ASMTL: variants seen among roughly 807,000 people sequenced by gnomAD.
The protein encoded by ASMTL is acetylserotonin O-methyltransferase like, also known as probable bifunctional dTTP/UTP pyrophosphatase/methyltransferase protein.
Under a neutral mutation model 60.3 loss-of-function variants are expected in ASMTL, and 57 were observed. That is an observed-to-expected ratio of 0.95 (90% CI 0.76 to 1.18). ASMTL has a LOEUF of 1.18. ASMTL is among the 50% of genes most tolerant of loss of function. The probability of loss-of-function intolerance (pLI) is 0.00; values close to 1 mark genes in which losing one functional copy is unlikely to be tolerated. For missense variants in ASMTL, 981 were observed against 852.6 expected, an observed-to-expected ratio of 1.15 and a Z score of -1.88; for synonymous variants, 419 against 373.0, an observed-to-expected ratio of 1.12 and a Z score of -1.42.
intron 2 of ASMTL, among the ~76,000 whole-genome samples, chrX:1,439,371 C>T (rs754863463): frequency 4.3e-4 from 66 of 152,276 alleles, no homozygotes; most frequent in African/African-American, 1.4e-3. Context: ...ACGGGGGCTG[C>T]GTGATCAGGG....
chrX:1,412,227 G>C (rs2090056623), intron 12 of ASMTL, among the ~76,000 whole-genome samples: 1 of 151,270 alleles, frequency 6.6e-6, no homozygotes, highest in Admixed American at 6.6e-5. Context: ...TTCTTTTTTT[G>C]TTGTGGTTGT....
chrX:1,417,909 T>C, intron 11 of ASMTL, 64 bp downstream of exon 11: 1 of 1,542,388 alleles, frequency 6.5e-7, no homozygotes, highest in South Asian at 1.2e-5. Flanking sequence ...AGCCATGCCC[T>C]CTGTCTAGAA....
At chrX:1,412,355 G>T (rs1465221626) in intron 12 of ASMTL, among the ~76,000 whole-genome samples, 5 of 151,908 alleles carry the variant, frequency 3.3e-5, no homozygotes, top group African/African-American at 1.2e-4. Flanking sequence ...AGCCTCTGAA[G>T]TACCTGGGAT....
chrX:1,439,106 G>A lies in ASMTL; in HGVS notation c.264C>T (p.Asp88=), dbSNP rs1383274974. ...LRAPDVVIGA[D]TIVTVGGLIL... ...CCCTGGCCGCACTCACCACGATCGT[G>A]TCCGCTCCAATGACCACGTCGGGGG... The change falls in exon 3 of 13, where the codon GAC becomes GAT. Residue 88 remains aspartate (D), a synonymous_variant. Transcript: ENST00000381317. 15 of 1,613,902 alleles carry A rather than the reference G, an allele frequency of 9.3e-6. No homozygotes were observed. Among genetic ancestry groups the A allele is most frequent in the Admixed American group, 1.7e-5 (1 of 59,990 alleles).
chrX:1,430,030 TA>T (rs200602381), intron 6 of ASMTL, among the ~76,000 whole-genome samples: 4 of 150,100 alleles, frequency 2.7e-5, no homozygotes, highest in African/African-American at 4.9e-5. Context: ...TTTTTTTTTT[TA>T]AAAGACGGAG....
chrX:1,413,115 C>T (rs2090099743), intron 11 of ASMTL: 1 of 481,036 alleles, frequency 2.1e-6, no homozygotes, highest in Admixed American at 3.2e-5. Context: ...GTAATCTCAG[C>T]ATTTTGGGAG....
chrX:1,413,038 TTA>T, intron 11 of ASMTL, 184 bp from the exon 12 acceptor site: 1 of 666,852 alleles, frequency 1.5e-6, no homozygotes. Context: ...GAGGAGCTGG[TTA>T]GTGATGTCAC....
At chrX:1,424,462 A>G (rs2090559283) in intron 8 of ASMTL, among the ~76,000 whole-genome samples, 1 of 148,828 alleles carries the variant, frequency 6.7e-6, no homozygotes, top group East Asian at 2.0e-4. Flanking sequence ...CCACTCATCC[A>G]TCCATTCACA....
At chrX:1,421,560 G>A in intron 9 of ASMTL, 98 bp downstream of exon 9, 1 of 1,320,580 alleles carries the variant, frequency 7.6e-7, no homozygotes, top group Non-Finnish European at 1.1e-6. Context: ...CTGTCAGACT[G>A]GAGACAGACT....
At position 1,403,314 on chromosome X, in the gene ASMTL, C is replaced by G; in HGVS notation, c.1821G>C (p.Leu607Phe). 6.2e-7 allele frequency: 1 copy of G among 1,613,264 alleles called. No homozygotes were observed. The change falls in exon 13 of 13, where the codon TTG (leucine) becomes TTC (phenylalanine). Residue 607 changes from leucine to phenylalanine, a missense_variant. By Grantham distance (22) the Leu-to-Phe change is conservative. Coordinates refer to ENST00000381317, the MANE Select transcript of ASMTL (RefSeq NM_004192.4). Reference protein sequence around the residue: ...HGFHQVQVVHLGGVLDAILAT... With the variant: ...HGFHQVQVVHFGGVLDAILAT... ...CCAAGATGGCATCCAGGACACCCCC[C>G]AAGTGCACCACCTGCACCTGGTGGA...
intron 5 of ASMTL, 29 bp from the exon 6 acceptor site, chrX:1,432,406 G>A (rs374775618): frequency 3.2e-5 from 51 of 1,573,832 alleles, no homozygotes; most frequent in Middle Eastern, 2.0e-4. Flanking sequence ...GGGGGTGAGC[G>A]TGGACGCCAG....
At chrX:1,405,203 T>TAG (rs2089767193) in intron 12 of ASMTL, among the ~76,000 whole-genome samples, 1 of 149,742 alleles carries the variant, frequency 6.7e-6, no homozygotes, top group Non-Finnish European at 1.5e-5. Flanking sequence ...GATGGGTACG[T>TAG]AGATAGATGA....
intron 3 of ASMTL, among the ~76,000 whole-genome samples, chrX:1,438,437 A>G (rs1425188440): frequency 6.6e-6 from 1 of 152,164 alleles, no homozygotes; most frequent in African/African-American, 2.4e-5. Context: ...ACCAAGACCA[A>G]CTTCTCCTCA....
chrX:1,436,502 G>A lies in ASMTL; in HGVS notation c.274-744C>T, dbSNP rs754667521. ...CGAGTAGCTGGGACTACAGGCGCCC[G>A]CCACCACACCCGGCTAATTTTTTGT... On this transcript the variant is annotated intron_variant, in intron 3 of 12. Coordinates refer to ENST00000381317, the MANE Select transcript of ASMTL (RefSeq NM_004192.4). Among the ~76,000 whole-genome samples the A allele has an allele frequency of 1.6e-4, 24 of 152,124 alleles. No individual in the cohort carries two copies. The South Asian group carries it at 1.7e-3, about 11-fold the overall frequency.
At chrX:1,403,729 G>C in intron 12 of ASMTL, 1 of 598,476 alleles carries the variant, frequency 1.7e-6, no homozygotes, top group Non-Finnish European at 3.0e-6. Context: ...TGCATCACCT[G>C]GGCCTTTTCC....
At chrX:1,436,314 C>T (rs1211308838) in intron 3 of ASMTL, among the ~76,000 whole-genome samples, 14 of 152,124 alleles carry the variant, frequency 9.2e-5, no homozygotes, top group Admixed American at 9.2e-4. Context: ...GCTGGGAATA[C>T]AGGTGCACAC....
In ASMTL at chrX:1,428,042, C is replaced by T. The variant is rs1270745122; in HGVS notation, c.589G>A (p.Val197Met). 5 of 1,613,730 alleles carry T rather than the reference C, an allele frequency of 3.1e-6. No homozygotes were observed. Among genetic ancestry groups the T allele is most frequent in the Non-Finnish European group, 4.2e-6 (5 of 1,179,864 alleles). ...ESVHGDFLNV[V>M]GFPLNHFCKQ... is the part of the protein sequence containing the mutation. The stretch of plus-strand genomic sequence containing the variant: ...CAGAAGTGGTTCAGCGGGAATCCCA[C>T]CACGTTCAGAAAGTCCCCGTGTACG... The change falls in exon 7 of 13, where the codon GTG becomes ATG. Residue 197 changes from valine to methionine, a missense_variant. Val to Met is a conservative substitution (Grantham distance 21, BLOSUM62 1). Coordinates refer to ENST00000381317, the MANE Select transcript of ASMTL (RefSeq NM_004192.4).
At chrX:1,410,620 C>T (rs1180666620) in intron 12 of ASMTL, among the ~76,000 whole-genome samples, 1 of 152,038 alleles carries the variant, frequency 6.6e-6, no homozygotes, top group South Asian at 2.1e-4. Context: ...CACCACGTGG[C>T]TTAGGCTGGT....
At chrX:1,439,819 G>C (rs2091062657) in intron 2 of ASMTL, among the ~76,000 whole-genome samples, 1 of 144,592 alleles carries the variant, frequency 6.9e-6, no homozygotes, top group African/African-American at 2.6e-5. Flanking sequence ...CTGGGTGACA[G>C]AGTGAGACTC....
Sources: allele counts gnomAD v4.1 joint callset (sites outside exome capture counted in the v4.1 genomes callset), GRCh38; gene constraint gnomAD v4.1.1; transcripts MANE v1.5; gene names NCBI Gene and HGNC (gene_info 2026-07-23, HGNC 2026-07-21).